SENP2: variants seen among roughly 807,000 people sequenced by gnomAD.
SENP2 encodes the protein sentrin-specific protease 2.
SENP2 carries 16 observed loss-of-function variants against 86.3 expected under a neutral mutation model. That is an observed-to-expected ratio of 0.19 (90% confidence interval 0.13 to 0.28). SENP2 has a LOEUF of 0.28. SENP2 is among the 10% of genes least tolerant of loss of function. The pLI is 1.00. For synonymous variants in SENP2, 222 were observed against 238.7 expected (o/e 0.93, Z 0.64); for missense variants, 552 against 703.0 (o/e 0.79, Z 2.43).
chr3:185,601,461 C>A (rs1244652013), intron 5 of SENP2, among the ~76,000 whole-genome samples: 1 of 152,114 alleles, frequency 6.6e-6, no homozygotes, highest in Non-Finnish European at 1.5e-5. Context: ...CAGAAAAGTG[C>A]TGAAATTATA....
chr3:185,606,901 T>A (rs62289069), intron 6 of SENP2: 21,994 of 364,258 alleles, frequency 0.06, 874 homozygotes, highest in Non-Finnish European at 0.083. Flanking sequence ...TTTTCAGAAA[T>A]AAAAATTAAA....
chr3:185,624,149 G>T, intron 15 of SENP2, 67 bp downstream of exon 15: 1 of 1,123,236 alleles, frequency 8.9e-7, no homozygotes, highest in South Asian at 1.4e-5. Context: ...ATCTAGATTT[G>T]GCTCCCTTCC....
intron 9 of SENP2, 74 bp from the exon 10 acceptor site, chr3:185,613,271 T>A: frequency 1.1e-6 from 1 of 894,038 alleles, no homozygotes; most frequent in East Asian, 2.5e-5. Flanking sequence ...TACGAAATCT[T>A]ATTTCTAAAA....
intron 2 of SENP2, among the ~76,000 whole-genome samples, chr3:185,591,783 T>A (rs867273307): frequency 6.6e-6 from 1 of 151,956 alleles, no homozygotes; most frequent in Non-Finnish European, 1.5e-5. Flanking sequence ...CAGGCTGGGA[T>A]GCAGTGGCAT....
Position 185,621,842 on chromosome 3 carries a change from A to G in SENP2, c.1463A>G (p.Lys488Arg). The G allele has an allele frequency of 1.2e-6, 2 of 1,607,628 alleles. No individual in the cohort carries two copies. The highest frequency in any genetic ancestry group is 1.1e-5 in the South Asian group (1 of 90,662). Reference protein sequence around the residue: ...HWSLVVIDLRKKCLKYLDSMG... With the variant: ...HWSLVVIDLRRKCLKYLDSMG... Reference sequence around the variant, plus strand: ...CCATTATAGGTGATTGACCTAAGAAAAAAGTGTCTTAAATATCTGGATTCT... The same window carrying G: ...CCATTATAGGTGATTGACCTAAGAAGAAAGTGTCTTAAATATCTGGATTCT... Residue 488 changes from lysine to arginine, a missense_variant, in exon 14 of 17, where the codon AAA becomes AGA. Physicochemically the swap from Lys to Arg is conservative, Grantham distance 26. Around this residue, in one of 2 missense-constraint regions of SENP2, gnomAD observed 169 missense variants for 275.7 expected, o/e 0.61. Coordinates refer to ENST00000296257, the MANE Select transcript of SENP2 (RefSeq NM_021627.3).
At chr3:185,624,205 T>TTTC in intron 15 of SENP2, 123 bp downstream of exon 15, 1 of 601,500 alleles carries the variant, frequency 1.7e-6, no homozygotes, top group East Asian at 3.0e-5. Flanking sequence ...ACATCTTTTT[T>TTTC]TTTCTTTCTT....
chr3:185,609,762 T>G (rs949225485), intron 7 of SENP2, among the ~76,000 whole-genome samples: 2 of 149,352 alleles, frequency 1.3e-5, no homozygotes, highest in Admixed American at 1.4e-4. Flanking sequence ...CTCCTTCACC[T>G]CCTCCTGGTC....
intron 1 of SENP2, among the ~76,000 whole-genome samples, chr3:185,587,696 A>AGCT (rs1186970200): frequency 7.1e-6 from 1 of 140,586 alleles, no homozygotes; most frequent in African/African-American, 2.7e-5. Flanking sequence ...CCTCCCCAGT[A>AGCT]GCTGGGACTA....
intron 13 of SENP2, among the ~76,000 whole-genome samples, chr3:185,621,386 C>CTTTTTTTT (rs1220771289): frequency 2.8e-3 from 224 of 78,764 alleles, no homozygotes; most frequent in African/African-American, 4.9e-3. Context: ...TCTTTTTTTT[C>CTTTTTTTT]TTTTTTTTTT....
chr3:185,625,951 C>T (rs1323863024), intron 15 of SENP2, among the ~76,000 whole-genome samples: 6 of 152,198 alleles, frequency 3.9e-5, no homozygotes, highest in South Asian at 2.1e-4. Flanking sequence ...CCTGTGGGGT[C>T]GGGTCATGCA....
intron 1 of SENP2, among the ~76,000 whole-genome samples, chr3:185,589,327 A>G (rs1721902674): frequency 6.6e-6 from 1 of 152,208 alleles, no homozygotes; most frequent in Non-Finnish European, 1.5e-5. Flanking sequence ...AAAAGAAAAA[A>G]CAGTAAAAAA....
At chr3:185,625,114 T>A (rs916535886) in intron 15 of SENP2, among the ~76,000 whole-genome samples, 28 of 141,488 alleles carry the variant, frequency 2.0e-4, no homozygotes, top group South Asian at 1.3e-3. Flanking sequence ...TTTAAGCAAA[T>A]TTTTTTTTTT....
At chr3:185,602,156 T>C (rs1722367296) in intron 5 of SENP2, among the ~76,000 whole-genome samples, 1 of 152,164 alleles carries the variant, frequency 6.6e-6, no homozygotes, top group African/African-American at 2.4e-5. Context: ...TCTCCCTCCA[T>C]GTTTGTTTAT....
intron 2 of SENP2, among the ~76,000 whole-genome samples, chr3:185,592,649 C>T (rs1436030604): frequency 6.8e-6 from 1 of 147,248 alleles, no homozygotes; most frequent in Non-Finnish European, 1.5e-5. Flanking sequence ...TGGAGTCTTG[C>T]TCTGTTGCTC....
At chr3:185,606,203 A>G in intron 5 of SENP2, 127 bp from the exon 6 acceptor site, 1 of 727,222 alleles carries the variant, frequency 1.4e-6, no homozygotes, top group South Asian at 2.1e-5. Context: ...GCATAATTGT[A>G]CTTGTCTGAC....
In SENP2 at chr3:185,598,469, T is replaced by C; in HGVS notation, c.215T>C (p.Phe72Ser). 6.2e-7 allele frequency: 1 copy of C among 1,614,114 alleles called. No homozygotes were observed. Among genetic ancestry groups the C allele is most frequent in the Non-Finnish European group, 8.5e-7 (1 of 1,179,974 alleles). ...TACAATGCTGCCAGCTTATTTGGATTCCCATTCCAGCTGACCACAAAGCCC... is the reference window on the plus strand; with the variant it reads ...TACAATGCTGCCAGCTTATTTGGATCCCCATTCCAGCTGACCACAAAGCCC... The part of the protein sequence containing the change: ...SLYNAASLFG[F>S]PFQLTTKPMV... The change falls in exon 3 of 17, where the codon TTC becomes TCC. Residue 72 changes from phenylalanine to serine, a missense_variant. By Grantham distance (155) the Phe-to-Ser change is radical. Around this residue, in one of 2 missense-constraint regions of SENP2, gnomAD observed 383 missense variants for 427.3 expected, o/e 0.90. Coordinates refer to ENST00000296257, the MANE Select transcript of SENP2 (RefSeq NM_021627.3).
In SENP2 at chr3:185,586,406, G is replaced by T; in HGVS notation, c.-8G>T. 6.2e-7 allele frequency: 1 copy of T among 1,613,890 alleles called. No homozygotes were observed. Among genetic ancestry groups the T allele is most frequent in the Non-Finnish European group, 8.5e-7 (1 of 1,179,996 alleles). On this transcript the variant is annotated 5_prime_UTR_variant, in exon 1 of 17. Coordinates refer to ENST00000296257, the MANE Select transcript of SENP2 (RefSeq NM_021627.3). The surrounding 1 kb of genome is among the most constrained non-coding windows in gnomAD (Gnocchi z 4.3). ...GTGTGTCGGCCGCCGCTGCTGCTTG[G>T]GCCTGGTATGTACAGATGGCTGGTT...
intron 6 of SENP2, among the ~76,000 whole-genome samples, chr3:185,607,543 T>C (rs1205934464): frequency 6.6e-6 from 1 of 151,998 alleles, no homozygotes; most frequent in Non-Finnish European, 1.5e-5. Context: ...TTGGCCAGTC[T>C]GGTCTCAAAC....
chr3:185,613,322 C>T, intron 9 of SENP2, 23 bp from the exon 10 acceptor site: 1 of 1,379,584 alleles, frequency 7.2e-7, no homozygotes, highest in African/African-American at 1.4e-5. Flanking sequence ...AGAAGTCTAT[C>T]ATCTCTCAAT....
Sources: gnomAD v4.1 joint callset for allele counts (sites outside exome capture counted in the v4.1 genomes callset) on GRCh38, gnomAD v4.1.1 for gene constraint, gnomAD v4.1.1 regional missense constraint, Gnocchi (gnomAD v3.1) non-coding constraint, MANE v1.5 for transcripts, NCBI Gene and HGNC (gene_info 2026-07-23, HGNC 2026-07-21) for gene names.